The following FRMD5 variants were observed in gnomAD, a reference collection of about 807,000 sequenced individuals.
FRMD5 encodes the protein FERM domain-containing protein 5.
Under a neutral mutation model 69.0 loss-of-function variants are expected in FRMD5, and 20 were observed. The ratio of observed to expected loss-of-function variants is 0.29; its 90% CI spans 0.20 to 0.42. FRMD5 has a LOEUF of 0.42. Ranked by LOEUF, FRMD5 falls within the 10% of genes least tolerant of loss-of-function variation. The probability of loss-of-function intolerance (pLI) is 1.00; values close to 1 mark genes in which losing one functional copy is unlikely to be tolerated. For missense variants in FRMD5, 595 were observed against 708.6 expected, an observed-to-expected ratio of 0.84 and a Z score of 1.82; for synonymous variants, 271 against 260.1, an observed-to-expected ratio of 1.04 and a Z score of -0.40.
At chr15:43,943,408 A>G (rs2089894361) in intron 1 of FRMD5, among the ~76,000 whole-genome samples, 1 of 152,180 alleles carries the variant, frequency 6.6e-6, no homozygotes, top group Non-Finnish European at 1.5e-5. Flanking sequence ...ATTAAGGATT[A>G]AGTAGGCCCA....
Position 43,924,279 on chromosome 15 carries a change from G to C in FRMD5, c.133C>G (p.Leu45Val). The C allele has an allele frequency of 1.2e-6, 2 of 1,614,002 alleles. No individual in the cohort carries two copies. Among genetic ancestry groups the C allele is most frequent in the East Asian group, 4.5e-5 (2 of 44,880 alleles). Residue 45 changes from leucine (L) to valine (V), a missense_variant, in exon 2 of 14, where the codon CTT becomes GTT. Leu to Val is a conservative substitution (Grantham distance 32, BLOSUM62 1). Around this residue, in one of 5 missense-constraint regions of FRMD5, gnomAD observed 79 missense variants for 139.9 expected, o/e 0.56. Coordinates refer to ENST00000417257, the MANE Select transcript of FRMD5 (RefSeq NM_032892.5). ...RDAKGQYLFD[L>V]LCHHLNLLEK... The stretch of plus-strand genomic sequence containing the variant: ...AGTAGGTTCAGATGGTGGCAAAGAA[G>C]GTCAAACAGGTACTGGCCTTTGGCA...
At chr15:44,158,208 C>T (rs76386935) in intron 1 of FRMD5, among the ~76,000 whole-genome samples, 3,469 of 152,226 alleles carry the variant, frequency 0.023, 56 homozygotes, top group Non-Finnish European at 0.033. Flanking sequence ...GGTATAACCA[C>T]AAGAGAAACA....
intron 12 of FRMD5, 86 bp from the exon 13 acceptor site, chr15:43,883,895 T>C (rs1595479152): frequency 1.1e-6 from 1 of 935,782 alleles, no homozygotes; most frequent in East Asian, 2.4e-5. Flanking sequence ...GCTACTAGAA[T>C]TGCCTGGCTA....
intron 1 of FRMD5, among the ~76,000 whole-genome samples, chr15:44,073,469 AT>A (rs1030294344): frequency 7.9e-5 from 12 of 152,100 alleles, no homozygotes; most frequent in African/African-American, 2.7e-4. Flanking sequence ...CTTGTAATTA[AT>A]TTTTTTTGGA....
At chr15:44,085,137 T>A (rs1894145172) in intron 1 of FRMD5, among the ~76,000 whole-genome samples, 1 of 152,150 alleles carries the variant, frequency 6.6e-6, no homozygotes, top group African/African-American at 2.4e-5. Flanking sequence ...TTGTGAATTT[T>A]AAAAGGTGAA....
rs35512441 is a variant in FRMD5, at chr15:44,007,637, A to ATTTTT, written c.103-83333_103-83329dup. ...TCTAATTTTTTTAATTAATTAACTA[A>ATTTTT]TTTTTTTTTTTTTTTTTTTTTTTTT... On this transcript the variant is annotated intron_variant, in intron 1 of 13. Transcript: ENST00000417257. Among the ~76,000 whole-genome samples the ATTTTT allele has an allele frequency of 5.8e-3, 468 of 81,112 alleles. 22 individuals carry two copies. Among genetic ancestry groups the ATTTTT allele is most frequent in the Non-Finnish European group, 7.7e-3 (353 of 46,066 alleles). 53.2% of individuals were successfully genotyped at this position (81,112 alleles called of 152,430 possible).
intron 1 of FRMD5, among the ~76,000 whole-genome samples, chr15:44,043,618 C>A (rs1892301787): frequency 6.6e-6 from 1 of 152,096 alleles, no homozygotes; most frequent in South Asian, 2.1e-4. Flanking sequence ...AGAAATAACA[C>A]CACATGTCCA....
chr15:44,169,295 T>C (rs1378016425), intron 1 of FRMD5, among the ~76,000 whole-genome samples: 3 of 151,892 alleles, frequency 2.0e-5, no homozygotes, highest in African/African-American at 7.3e-5. Context: ...TGTAAAACAG[T>C]CCCCTAGATT....
Position 43,885,009 on chromosome 15 carries a change from G to C in FRMD5, c.960-214C>G, listed in dbSNP as rs1366955823. The C allele has an allele frequency of 7.8e-6, 4 of 511,856 alleles. No homozygotes were observed. The South Asian group carries it at 9.6e-5, about 12-fold the overall frequency. The allele number at this position is 511,856 out of a possible 1,614,324, so 31.7% of individuals were successfully genotyped here. A position where few individuals can be genotyped will look rare whatever the true frequency, so the allele number is the denominator to read the frequency against. On this transcript the variant is annotated intron_variant, in intron 11 of 13. Coordinates refer to ENST00000417257, the MANE Select transcript of FRMD5 (RefSeq NM_032892.5). ...TCTGAGAGAACTCTCTCCATCTCTA[G>C]AGTCTTTAGGATCTTCCATTCTCAT... is the stretch of plus-strand genomic sequence containing the variant.
chr15:44,031,357 T>C (rs1891674001), intron 1 of FRMD5, among the ~76,000 whole-genome samples: 1 of 152,172 alleles, frequency 6.6e-6, no homozygotes. Flanking sequence ...TGGGCTTCTG[T>C]AACAAAATAC....
At chr15:44,076,866 C>G (rs1007330388) in intron 1 of FRMD5, among the ~76,000 whole-genome samples, 1 of 151,880 alleles carries the variant, frequency 6.6e-6, no homozygotes, top group Non-Finnish European at 1.5e-5. Flanking sequence ...ATAGTCATCT[C>G]TCAGTCTGAG....
At chr15:43,899,216 T>TAA (rs1209329836) in intron 7 of FRMD5, among the ~76,000 whole-genome samples, 1 of 152,150 alleles carries the variant, frequency 6.6e-6, no homozygotes, top group East Asian at 1.9e-4. Context: ...TGACTCCACT[T>TAA]AATAACAAGA....
At chr15:44,049,494 A>G (rs1458768726) in intron 1 of FRMD5, among the ~76,000 whole-genome samples, 1 of 152,194 alleles carries the variant, frequency 6.6e-6, no homozygotes, top group Non-Finnish European at 1.5e-5. Flanking sequence ...TTTGCAAACA[A>G]TTTATTTATA....
At chr15:43,897,710 T>C (rs1456945642) in intron 7 of FRMD5, among the ~76,000 whole-genome samples, 3 of 152,124 alleles carry the variant, frequency 2.0e-5, no homozygotes, top group Non-Finnish European at 4.4e-5. Context: ...AAGACACTGG[T>C]GAACTTACAT....
At chr15:44,155,177 T>C (rs2077506871) in intron 1 of FRMD5, among the ~76,000 whole-genome samples, 1 of 152,128 alleles carries the variant, frequency 6.6e-6, no homozygotes, top group African/African-American at 2.4e-5. Context: ...GCTCACACTG[T>C]AATCCCAACA....
chr15:44,021,841 C>A (rs1891221881), intron 1 of FRMD5, among the ~76,000 whole-genome samples: 1 of 152,118 alleles, frequency 6.6e-6, no homozygotes, highest in Non-Finnish European at 1.5e-5. Flanking sequence ...GGTATTTGTA[C>A]ACCACTATTC....
intron 1 of FRMD5, among the ~76,000 whole-genome samples, chr15:44,165,735 C>T (rs941193366): frequency 6.6e-6 from 1 of 151,402 alleles, no homozygotes; most frequent in African/African-American, 2.4e-5. Context: ...CTTGGGAGGC[C>T]GAGGTGAAAG....
At chr15:43,955,967 C>T (rs2090109187) in intron 1 of FRMD5, among the ~76,000 whole-genome samples, 1 of 152,152 alleles carries the variant, frequency 6.6e-6, no homozygotes, top group African/African-American at 2.4e-5. Context: ...GTAACTAGTA[C>T]ATGCAAACAA....
intron 1 of FRMD5, among the ~76,000 whole-genome samples, chr15:44,057,358 A>G (rs577735289): frequency 5.9e-5 from 9 of 151,920 alleles, no homozygotes; most frequent in Admixed American, 1.3e-4. Context: ...CACCTGCCTC[A>G]GCCTCCCAAA....
Sources: gnomAD v4.1 joint callset for allele counts (sites outside exome capture counted in the v4.1 genomes callset) on GRCh38, gnomAD v4.1.1 for gene constraint, gnomAD v4.1.1 regional missense constraint, MANE v1.5 for transcripts, NCBI Gene and HGNC (gene_info 2026-07-23, HGNC 2026-07-21) for gene names.